Variants in CLHC1 observed in about 807,000 individuals in gnomAD.
The protein encoded by CLHC1 is clathrin heavy chain linker domain-containing protein 1.
In CLHC1, 72 loss-of-function variants were observed where a neutral mutation model predicts 69.5. The observed-to-expected ratio is 1.04, with a 90% CI of 0.86 to 1.26. CLHC1 has a LOEUF of 1.26. CLHC1 is among the 50% of genes most tolerant of loss of function. The pLI is 0.00. For synonymous variants in CLHC1, 223 were observed against 224.3 expected, an observed-to-expected ratio of 0.99 and a Z score of 0.05; for missense variants, 790 against 679.3, an observed-to-expected ratio of 1.16 and a Z score of -1.81.
intron 8 of CLHC1, 105 bp from the exon 9 acceptor site, chr2:55,206,481 G>C: frequency 1.5e-6 from 1 of 676,846 alleles, no homozygotes; most frequent in Non-Finnish European, 2.6e-6. Flanking sequence ...ATAACGATAT[G>C]GAAAAACAAA....
intron 9 of CLHC1, among the ~76,000 whole-genome samples, chr2:55,187,718 T>C (rs973448258): frequency 3.9e-5 from 6 of 152,046 alleles, no homozygotes; most frequent in East Asian, 1.9e-4. Context: ...AAAACGATGA[T>C]ATTTTCAGAG....
chr2:55,178,106 G>A (rs1669579172), intron 11 of CLHC1, among the ~76,000 whole-genome samples: 1 of 152,122 alleles, frequency 6.6e-6, no homozygotes, highest in South Asian at 2.1e-4. Context: ...AGCTCCATCA[G>A]TCACTTACTC....
At chr2:55,189,295 T>C (rs1196623251) in intron 9 of CLHC1, among the ~76,000 whole-genome samples, 3 of 151,936 alleles carry the variant, frequency 2.0e-5, no homozygotes, top group Admixed American at 2.0e-4. Context: ...TTGAGAAAAA[T>C]ATAGCAAAAT....
At chr2:55,194,360 T>G (rs796895032) in intron 9 of CLHC1, among the ~76,000 whole-genome samples, 18 of 152,296 alleles carry the variant, frequency 1.2e-4, no homozygotes, top group African/African-American at 3.8e-4. Flanking sequence ...TATCCATTTC[T>G]GATCAAAGTT....
chr2:55,206,161 A>G (rs1176139716), intron 9 of CLHC1, 109 bp downstream of exon 9: 1 of 639,914 alleles, frequency 1.6e-6, no homozygotes, highest in Non-Finnish European at 2.7e-6. Flanking sequence ...TGGTAGAGAT[A>G]GGGCTGGGGC....
At chr2:55,190,507 A>G (rs1012433013) in intron 9 of CLHC1, among the ~76,000 whole-genome samples, 1 of 152,224 alleles carries the variant, frequency 6.6e-6, no homozygotes, top group African/African-American at 2.4e-5. Flanking sequence ...TTTCACACTT[A>G]CGAGGGAGAG....
At chr2:55,221,767 C>T (rs1187751357) in intron 3 of CLHC1, among the ~76,000 whole-genome samples, 2 of 152,158 alleles carry the variant, frequency 1.3e-5, no homozygotes, top group Non-Finnish European at 2.9e-5. Context: ...TGCTTGAGGC[C>T]AGGAGTGCAA....
At chr2:55,181,938 T>G (rs546192467) in intron 9 of CLHC1, among the ~76,000 whole-genome samples, 194 bp from the exon 10 acceptor site, 4 of 152,166 alleles carry the variant, frequency 2.6e-5, no homozygotes, top group African/African-American at 9.6e-5. Context: ...CATGTGAAGA[T>G]GGAGGCAGAG....
chr2:55,191,944 T>G (rs776835904), intron 9 of CLHC1, among the ~76,000 whole-genome samples: 1 of 152,064 alleles, frequency 6.6e-6, no homozygotes, highest in East Asian at 1.9e-4. Flanking sequence ...TGGGTTGTAA[T>G]GCACTAAGAT....
At position 55,174,232 on chromosome 2, in the gene CLHC1, A is replaced by G. The variant is rs139866186; in HGVS notation, c.*1558T>C. On this transcript the variant is annotated 3_prime_UTR_variant, in exon 13 of 13. Transcript: ENST00000401408. ...ACTTTAAAAATGCTACGTTTTAGAA[A>G]GCTGAATTATAATTATCCAGTATTC... Among the ~76,000 whole-genome samples the G allele has an allele frequency of 1.0e-3, 156 of 152,350 alleles. 1 individual carries two copies. In the East Asian group the frequency reaches 0.028, roughly 27 times the overall value.
chr2:55,227,168 A>G (rs975416076), intron 2 of CLHC1, among the ~76,000 whole-genome samples: 9 of 152,234 alleles, frequency 5.9e-5, no homozygotes, highest in Admixed American at 5.9e-4. Flanking sequence ...ATTAATATAA[A>G]GTAGTTCCAG....
chr2:55,187,345 G>A (rs1481573433), intron 9 of CLHC1, among the ~76,000 whole-genome samples: 1 of 148,984 alleles, frequency 6.7e-6, no homozygotes, highest in Non-Finnish European at 1.5e-5. Context: ...AGGCGTGGTG[G>A]CTCACGCTTG....
At chr2:55,201,053 T>C (rs116349569) in intron 9 of CLHC1, among the ~76,000 whole-genome samples, 2,408 of 152,102 alleles carry the variant, frequency 0.016, 69 homozygotes, top group African/African-American at 0.056. Context: ...AAAAAGTTTA[T>C]AGCTATAAGT....
chr2:55,176,884 T>G (rs980900605), intron 12 of CLHC1, among the ~76,000 whole-genome samples: 2 of 152,192 alleles, frequency 1.3e-5, no homozygotes, highest in African/African-American at 4.8e-5. Flanking sequence ...AATTATTCTC[T>G]CTCTCATTTT....
At chr2:55,182,732 T>C (rs905315471) in intron 9 of CLHC1, among the ~76,000 whole-genome samples, 3 of 152,164 alleles carry the variant, frequency 2.0e-5, no homozygotes, top group African/African-American at 7.2e-5. Context: ...CAAATTCTAC[T>C]TTCACAAGAT....
chr2:55,187,498 A>G (rs1402040275), intron 9 of CLHC1, among the ~76,000 whole-genome samples: 1 of 151,792 alleles, frequency 6.6e-6, no homozygotes, highest in Non-Finnish European at 1.5e-5. Flanking sequence ...CTCTAGTCCC[A>G]GCTACTCAGT....
intron 9 of CLHC1, among the ~76,000 whole-genome samples, chr2:55,198,533 C>G (rs1178922963): frequency 4.0e-5 from 6 of 151,474 alleles, no homozygotes; most frequent in Admixed American, 3.9e-4. Context: ...TGCAGTGAGC[C>G]GAGATCACAC....
chr2:55,179,143 T>C (rs1218793688), intron 11 of CLHC1, among the ~76,000 whole-genome samples: 2 of 152,056 alleles, frequency 1.3e-5, no homozygotes, highest in Non-Finnish European at 2.9e-5. Context: ...TTAACTAATA[T>C]AATTCTTACA....
intron 10 of CLHC1, 38 bp from the exon 11 acceptor site, chr2:55,180,750 T>C (rs374434358): frequency 1.6e-4 from 248 of 1,547,248 alleles, no homozygotes; most frequent in African/African-American, 3.8e-4. Flanking sequence ...TGTTAGAAAA[T>C]TCCTGATGAG....
Sources: gnomAD v4.1 joint callset for allele counts (sites outside exome capture counted in the v4.1 genomes callset) on GRCh38, gnomAD v4.1.1 for gene constraint, MANE v1.5 for transcripts, NCBI Gene and HGNC (gene_info 2026-07-23, HGNC 2026-07-21) for gene names.